Variants in CADPS observed in about 807,000 individuals in gnomAD.
CADPS encodes calcium-dependent secretion activator 1.
A neutral mutation model predicts 167.3 loss-of-function variants in CADPS; 57 were observed. The observed-to-expected ratio is 0.34, with a 90% confidence interval of 0.28 to 0.42. The LOEUF (loss-of-function observed/expected upper bound fraction) is 0.42, where lower values mean the gene tolerates loss of function less well. Ranked by LOEUF, CADPS falls within the 20% of genes least tolerant of loss-of-function variation. The pLI is 1.00. For missense variants in CADPS, 1,414 were observed against 1,738.1 expected (o/e 0.81, Z 3.32); for synonymous variants, 676 against 635.3 (o/e 1.06, Z -0.96).
At chr3:62,707,560 T>C (rs2082559277) in intron 3 of CADPS, among the ~76,000 whole-genome samples, 1 of 152,172 alleles carries the variant, frequency 6.6e-6, no homozygotes, top group Non-Finnish European at 1.5e-5. Flanking sequence ...CAAGTTTTCA[T>C]AAAGTTGGGT....
intron 3 of CADPS, among the ~76,000 whole-genome samples, chr3:62,704,716 G>A (rs2082021803): frequency 6.6e-6 from 1 of 152,138 alleles, no homozygotes; most frequent in Admixed American, 6.6e-5. Context: ...GTCAGCCATA[G>A]CATTACTGGA....
chr3:62,814,653 T>C (rs2094533038), intron 1 of CADPS, among the ~76,000 whole-genome samples: 1 of 152,186 alleles, frequency 6.6e-6, no homozygotes, highest in Non-Finnish European at 1.5e-5. Flanking sequence ...ACCTGGATTA[T>C]AGTGGTTCTC....
At chr3:62,743,622 A>AC (rs1198582704) in intron 3 of CADPS, among the ~76,000 whole-genome samples, 1 of 152,194 alleles carries the variant, frequency 6.6e-6, no homozygotes, top group Non-Finnish European at 1.5e-5. Flanking sequence ...GATAAGAAAA[A>AC]CAAGCATTCC....
rs79255190 is a variant in CADPS at position 62,452,837 on chromosome 3, G to T, written c.3637-7040C>A. 4.2e-3 allele frequency among the ~76,000 whole-genome samples: 641 copies of T among 152,240 alleles called. 8 individuals are homozygous for T. Among genetic ancestry groups the T allele is most frequent in the African/African-American group, 0.015 (629 of 41,558 alleles). On this transcript the variant is annotated intron_variant, in intron 26 of 29. Coordinates refer to ENST00000383710, the MANE Select transcript of CADPS (RefSeq NM_003716.4). ...AATCAAGAAATGACAACAAAGGCTG[G>T]GTGCAGTGGTTCATGCTTATAAACC...
intron 28 of CADPS, among the ~76,000 whole-genome samples, chr3:62,432,820 G>A (rs1004380509): frequency 2.0e-5 from 3 of 152,104 alleles, no homozygotes; most frequent in Non-Finnish European, 4.4e-5. Context: ...CCAGAGGCAG[G>A]GCCCATGATC....
intron 6 of CADPS, among the ~76,000 whole-genome samples, chr3:62,603,665 T>A (rs2060283585): frequency 6.6e-6 from 1 of 152,186 alleles, no homozygotes; most frequent in African/African-American, 2.4e-5. Context: ...TCCTTTTGAT[T>A]CTTTCTTAGA....
At chr3:62,842,484 T>C (rs1329825283) in intron 1 of CADPS, among the ~76,000 whole-genome samples, 1 of 152,184 alleles carries the variant, frequency 6.6e-6, no homozygotes, top group Admixed American at 6.5e-5. Context: ...AGCAAGACTA[T>C]GTGTTTAATT....
Position 62,675,563 on chromosome 3 carries a change from G to GA in CADPS, c.889-13170dup, listed in dbSNP as rs574820144. Among the ~76,000 whole-genome samples the GA allele has an allele frequency of 5.5e-4, 83 of 152,258 alleles. No homozygotes were observed. In the East Asian group the frequency reaches 0.012, roughly 22 times the overall value. Reference sequence around the variant, plus strand: ...GAAAGTAGTAATCTCCTCTGAGAGAGAAACCTGCAAATAAGCAGTATTTTA... The same window carrying GA: ...GAAAGTAGTAATCTCCTCTGAGAGAGAAAACCTGCAAATAAGCAGTATTTTA... On this transcript the variant is annotated intron_variant, in intron 3 of 29. Transcript: ENST00000383710.
intron 1 of CADPS, among the ~76,000 whole-genome samples, chr3:62,846,162 T>C (rs1239962332): frequency 1.3e-5 from 2 of 152,034 alleles, no homozygotes; most frequent in African/African-American, 4.8e-5. Flanking sequence ...CTCCCCAGCC[T>C]TGCCTCCTGT....
intron 10 of CADPS, 22 bp from the exon 11 acceptor site, chr3:62,550,137 A>G (rs753393320): frequency 1.3e-6 from 2 of 1,585,990 alleles, no homozygotes; most frequent in East Asian, 4.5e-5. Flanking sequence ...GGGAGTAACA[A>G]CTTCTACTAA....
chr3:62,399,189 A>T lies in CADPS; in HGVS notation c.*217T>A. The stretch of plus-strand genomic sequence containing the variant: ...AACAGTATTTAAAGAATGGTGCTCC[A>T]TATTGCTTGTAAACATATAGACATG... On this transcript the variant is annotated 3_prime_UTR_variant, in exon 30 of 30. Transcript: ENST00000383710. This position sits in a 1 kb window ranked among gnomAD's most constrained non-coding sequence, Gnocchi z 5.6. The T allele has an allele frequency of 5.7e-6, 3 of 525,078 alleles. No homozygotes were observed. The East Asian group carries it at 9.8e-5, about 17-fold the overall frequency. 32.5% of individuals were successfully genotyped at this position (525,078 alleles called of 1,614,324 possible).
chr3:62,401,665 T>G lies in CADPS; in HGVS notation c.3882+1416A>C, dbSNP rs139524250. 2.4e-3 allele frequency among the ~76,000 whole-genome samples: 369 copies of G among 152,288 alleles called. 2 individuals are homozygous for G. Among genetic ancestry groups the G allele is most frequent in the African/African-American group, 7.8e-3 (324 of 41,570 alleles). On this transcript the variant is annotated intron_variant, in intron 29 of 29. Transcript: ENST00000383710. ...GGCATTAGTTAAGCTGAACCCACTT[T>G]TTGCTAAAGTGAAGGGGTTCCTTTG...
intron 6 of CADPS, among the ~76,000 whole-genome samples, chr3:62,614,461 C>T (rs931032572): frequency 1.3e-5 from 2 of 152,134 alleles, no homozygotes; most frequent in African/African-American, 4.8e-5. Flanking sequence ...AGGCAAGGAC[C>T]TGGCCACTAT....
intron 6 of CADPS, among the ~76,000 whole-genome samples, chr3:62,615,628 G>A (rs1475758964): frequency 1.3e-5 from 2 of 152,162 alleles, no homozygotes; most frequent in Admixed American, 6.6e-5. Context: ...TGCATGAGCA[G>A]AGAACGCTTT....
chr3:62,742,243 A>G (rs2080431927), intron 3 of CADPS, among the ~76,000 whole-genome samples: 1 of 152,142 alleles, frequency 6.6e-6, no homozygotes. Context: ...TTAAACTATC[A>G]TTGAGATTTT....
rs1427214289 is a variant in CADPS at position 62,420,144 on chromosome 3, A to G, written c.3778-16959T>C. Among the ~76,000 whole-genome samples, 1 of 152,202 alleles carries G rather than the reference A, an allele frequency of 6.6e-6. No individual in the cohort carries two copies. Among genetic ancestry groups the G allele is most frequent in the Non-Finnish European group, 1.5e-5 (1 of 68,048 alleles). On this transcript the variant is annotated intron_variant, in intron 28 of 29. Coordinates refer to ENST00000383710, the MANE Select transcript of CADPS (RefSeq NM_003716.4). This position sits in a 1 kb window ranked among gnomAD's most constrained non-coding sequence, Gnocchi z 4.1. The stretch of plus-strand genomic sequence containing the variant: ...AGGTAAATGGAATGCTTTACATTAA[A>G]CCACACAGCTGGTTTCCAAGCAGAT...
At chr3:62,836,950 A>G (rs1258327275) in intron 1 of CADPS, among the ~76,000 whole-genome samples, 1 of 152,154 alleles carries the variant, frequency 6.6e-6, no homozygotes, top group Non-Finnish European at 1.5e-5. Context: ...TCTTTCTACC[A>G]ATATAGATGC....
In CADPS at chr3:62,490,738, G is replaced by GT. The variant is rs200174800; in HGVS notation, c.3026+600dup. On this transcript the variant is annotated intron_variant, in intron 21 of 29. Transcript: ENST00000383710. ...TTCCTAAACATACTTGGCCATAAAG[G>GT]TTTTTTTTAAAAAGGTGCATCTAAA... Among the ~76,000 whole-genome samples, 732 of 152,028 alleles carry GT rather than the reference G, an allele frequency of 4.8e-3. 10 individuals carry two copies. Among genetic ancestry groups the GT allele is most frequent in the African/African-American group, 0.016 (653 of 41,458 alleles).
intron 6 of CADPS, among the ~76,000 whole-genome samples, chr3:62,609,024 G>A (rs2061112683): frequency 6.6e-6 from 1 of 152,062 alleles, no homozygotes; most frequent in African/African-American, 2.4e-5. Context: ...CGTAAGCGAG[G>A]GTAGGTTCAA....
Sources: gnomAD v4.1 joint callset for allele counts (sites outside exome capture counted in the v4.1 genomes callset) on GRCh38, gnomAD v4.1.1 for gene constraint, Gnocchi (gnomAD v3.1) non-coding constraint, MANE v1.5 for transcripts, NCBI Gene and HGNC (gene_info 2026-07-23, HGNC 2026-07-21) for gene names.